Variants in CTIF observed in about 807,000 individuals in gnomAD.
CTIF encodes CBP80/20-dependent translation initiation factor.
Under a neutral mutation model 66.0 loss-of-function variants are expected in CTIF, and 21 were observed. That is an observed-to-expected ratio of 0.32 (90% CI 0.23 to 0.46). The LOEUF (loss-of-function observed/expected upper bound fraction) is 0.46. CTIF is among the 20% of genes least tolerant of loss of function. The pLI is 1.00. For missense variants in CTIF, 739 were observed against 812.7 expected (o/e 0.91, Z 1.10); for synonymous variants, 345 against 326.4 (o/e 1.06, Z -0.62).
rs1436039212 is a variant in CTIF, at chr18:48,862,265, G to C, written c.*2706G>C. The C allele has an allele frequency of 6.6e-6, 1 of 152,210 alleles. No individual in the cohort carries two copies. The highest frequency in any genetic ancestry group is 1.5e-5 in the Non-Finnish European group (1 of 68,046). 9.4% of individuals were successfully genotyped at this position (152,210 alleles called of 1,614,324 possible). On this transcript the variant is annotated 3_prime_UTR_variant, in exon 12 of 12. Coordinates refer to ENST00000256413, the MANE Select transcript of CTIF (RefSeq NM_014772.3). The stretch of plus-strand genomic sequence containing the variant: ...GTGATGAGAGGCAGAGCTGGATATT[G>C]CATTTCTAAGGCTTGCATTGCTTTC...
intron 7 of CTIF, among the ~76,000 whole-genome samples, chr18:48,736,745 C>T (rs2092507086): frequency 2.0e-5 from 3 of 152,186 alleles, no homozygotes; most frequent in Admixed American, 2.0e-4. Flanking sequence ...CCCCTAGGCC[C>T]CACATGGCCC....
At chr18:48,569,347 A>T (rs1009454481) in intron 1 of CTIF, among the ~76,000 whole-genome samples, 4 of 152,132 alleles carry the variant, frequency 2.6e-5, no homozygotes, top group African/African-American at 9.7e-5. Context: ...CATAGACTTG[A>T]TCTGGGGGAG....
chr18:48,859,764 G>T lies in CTIF; in HGVS notation c.*205G>T. On this transcript the variant is annotated 3_prime_UTR_variant, in exon 12 of 12. Transcript: ENST00000256413. ...CCCCCGCACAAGCCCCCCAGCCCGAGCATGCAAGCTCACACCAATAAGGGA... is the reference window on the plus strand; with the variant it reads ...CCCCCGCACAAGCCCCCCAGCCCGATCATGCAAGCTCACACCAATAAGGGA... 1 of 698,164 alleles carries T rather than the reference G, an allele frequency of 1.4e-6. No homozygotes were observed. Among genetic ancestry groups the T allele is most frequent in the Non-Finnish European group, 2.6e-6 (1 of 382,564 alleles). The allele number at this position is 698,164 out of a possible 1,614,324, so 43.2% of individuals were successfully genotyped here.
At position 48,703,997 on chromosome 18, in the gene CTIF, C is replaced by T. The variant is rs144898850; in HGVS notation, c.508-7622C>T. ...TCCCACTTCTGGGCCTGGGGGGAAG[C>T]GTAGTGGTCACTGGGAGGGACTGCC... On this transcript the variant is annotated intron_variant, in intron 6 of 11. Transcript: ENST00000256413. Among the ~76,000 whole-genome samples the T allele has an allele frequency of 2.0e-3, 301 of 152,296 alleles. 2 individuals carry two copies. Among genetic ancestry groups the T allele is most frequent in the African/African-American group, 6.9e-3 (286 of 41,554 alleles).
intron 1 of CTIF, among the ~76,000 whole-genome samples, chr18:48,586,728 T>C (rs1190545234): frequency 6.6e-6 from 1 of 152,250 alleles, no homozygotes; most frequent in Non-Finnish European, 1.5e-5. Context: ...GATGTATTTA[T>C]GTCTTTCTTT....
At chr18:48,627,877 A>G (rs981505101) in intron 2 of CTIF, among the ~76,000 whole-genome samples, 1 of 152,126 alleles carries the variant, frequency 6.6e-6, no homozygotes, top group Non-Finnish European at 1.5e-5. Flanking sequence ...GGGAGTGGCC[A>G]GGGCAAAACT....
At chr18:48,754,292 G>A (rs1908125821) in intron 7 of CTIF, among the ~76,000 whole-genome samples, 1 of 152,226 alleles carries the variant, frequency 6.6e-6, no homozygotes, top group Non-Finnish European at 1.5e-5. Flanking sequence ...GCTGCAAGGT[G>A]CTGTGATTAG....
intron 9 of CTIF, among the ~76,000 whole-genome samples, chr18:48,793,281 C>T (rs970560794): frequency 2.0e-5 from 3 of 152,188 alleles, no homozygotes; most frequent in Non-Finnish European, 4.4e-5. Flanking sequence ...TGCAACCCCA[C>T]CCCCTCTAAG....
chr18:48,681,994 C>T (rs540564997), intron 6 of CTIF, among the ~76,000 whole-genome samples: 1 of 152,106 alleles, frequency 6.6e-6, no homozygotes, highest in African/African-American at 2.4e-5. Context: ...CCATGTTGGC[C>T]AGGCTGGTCT....
At chr18:48,629,560 G>C (rs531622548) in intron 2 of CTIF, among the ~76,000 whole-genome samples, 225 of 151,760 alleles carry the variant, frequency 1.5e-3, no homozygotes, top group Middle Eastern at 3.4e-3. Flanking sequence ...ATACAGTATA[G>C]GAAATGAACA....
intron 10 of CTIF, among the ~76,000 whole-genome samples, chr18:48,829,539 A>T (rs7239084): frequency 0.91 from 137,908 of 152,256 alleles, 62,503 homozygotes; most frequent in East Asian, 1. Flanking sequence ...ACGTCTGCAG[A>T]GCCCCCCGAC....
intron 1 of CTIF, among the ~76,000 whole-genome samples, chr18:48,555,915 C>A (rs2089008559): frequency 6.6e-6 from 1 of 152,144 alleles, no homozygotes; most frequent in African/African-American, 2.4e-5. Flanking sequence ...GAGCCTTCAG[C>A]CAGCAGGAGA....
At chr18:48,847,271 G>A (rs1235762181) in intron 10 of CTIF, among the ~76,000 whole-genome samples, 1 of 141,982 alleles carries the variant, frequency 7.0e-6, no homozygotes, top group Non-Finnish European at 1.5e-5. Context: ...TCACGCTACT[G>A]CATTCCAGCC....
At chr18:48,832,122 G>A (rs10153344) in intron 10 of CTIF, among the ~76,000 whole-genome samples, 1,621 of 151,938 alleles carry the variant, frequency 0.011, 37 homozygotes, top group South Asian at 0.099. Flanking sequence ...TGTGCGTGTG[G>A]GGGCTGCCTG....
At chr18:48,573,304 G>A (rs535066359) in intron 1 of CTIF, among the ~76,000 whole-genome samples, 26 of 152,238 alleles carry the variant, frequency 1.7e-4, no homozygotes, top group South Asian at 2.1e-4. Context: ...AGCAGAGCAC[G>A]GGACATCCCT....
intron 7 of CTIF, among the ~76,000 whole-genome samples, chr18:48,718,172 T>G (rs1413341601): frequency 6.6e-6 from 1 of 152,346 alleles, no homozygotes; most frequent in Admixed American, 6.5e-5. Context: ...AGTGGTCACC[T>G]TTTTTCTTCC....
chr18:48,758,997 C>T lies in CTIF; in HGVS notation c.1071+592C>T, dbSNP rs530256803. On this transcript the variant is annotated intron_variant, in intron 8 of 11. Coordinates refer to ENST00000256413, the MANE Select transcript of CTIF (RefSeq NM_014772.3). ...CTCCATTCTCAGCATCACGCAGGTGCCTACCTGTGCCAGCATGAACCCGAG... is the reference window on the plus strand; with the variant it reads ...CTCCATTCTCAGCATCACGCAGGTGTCTACCTGTGCCAGCATGAACCCGAG... 7.2e-5 allele frequency among the ~76,000 whole-genome samples: 11 copies of T among 152,220 alleles called. No homozygotes were observed. In the South Asian group the frequency reaches 2.1e-3, roughly 29 times the overall value.
At chr18:48,801,944 A>C (rs1332285145) in intron 9 of CTIF, among the ~76,000 whole-genome samples, 1 of 152,244 alleles carries the variant, frequency 6.6e-6, no homozygotes, top group Non-Finnish European at 1.5e-5. Flanking sequence ...TACAACATTC[A>C]TCCAACTTAT....
At chr18:48,818,339 C>T (rs926480620) in intron 10 of CTIF, among the ~76,000 whole-genome samples, 39 of 152,090 alleles carry the variant, frequency 2.6e-4, no homozygotes, top group African/African-American at 8.0e-4. Flanking sequence ...CAGCAGGACT[C>T]GGTAATGTGA....
Sources: gnomAD v4.1 joint callset for allele counts (sites outside exome capture counted in the v4.1 genomes callset) on GRCh38, gnomAD v4.1.1 for gene constraint, MANE v1.5 for transcripts, NCBI Gene and HGNC (gene_info 2026-07-23, HGNC 2026-07-21) for gene names.